Variants in SLC8A3 observed in about 807,000 individuals in gnomAD.
SLC8A3 encodes the protein sodium/calcium exchanger 3.
Under a neutral mutation model 65.4 loss-of-function variants are expected in SLC8A3, and 37 were observed. The observed-to-expected ratio is 0.57, with a 90% confidence interval of 0.44 to 0.74. SLC8A3 has a LOEUF of 0.74. Ranked by LOEUF, SLC8A3 falls within the 30% of genes least tolerant of loss-of-function variation. The pLI is 0.00. For missense variants in SLC8A3, 1,112 were observed against 1,172.1 expected (o/e 0.95, Z 0.75); for synonymous variants, 461 against 444.5 (o/e 1.04, Z -0.47).
At chr14:70,063,692 A>G in intron 2 of SLC8A3, 1 of 620,776 alleles carries the variant, frequency 1.6e-6, no homozygotes, top group Non-Finnish European at 2.9e-6. Flanking sequence ...AGAGAGAGCA[A>G]GAGAGGAGAC....
At chr14:70,085,389 G>A (rs1045519709) in intron 2 of SLC8A3, among the ~76,000 whole-genome samples, 12 of 152,160 alleles carry the variant, frequency 7.9e-5, no homozygotes, top group Middle Eastern at 3.4e-3. Context: ...GACTGTACTG[G>A]TATTGCCATG....
At chr14:70,143,290 T>C (rs1895695083) in intron 2 of SLC8A3, among the ~76,000 whole-genome samples, 1 of 152,226 alleles carries the variant, frequency 6.6e-6, no homozygotes, top group South Asian at 2.1e-4. Flanking sequence ...GAGGAGGTAC[T>C]ATCATTGCCC....
chr14:70,141,285 T>A (rs1216363776), intron 2 of SLC8A3, among the ~76,000 whole-genome samples: 2 of 152,202 alleles, frequency 1.3e-5, no homozygotes, highest in Non-Finnish European at 2.9e-5. Context: ...ATCACCCCAT[T>A]TAGACCTTGC....
intron 3 of SLC8A3, among the ~76,000 whole-genome samples, chr14:70,054,855 A>T: frequency 6.6e-6 from 1 of 152,122 alleles, no homozygotes; most frequent in East Asian, 1.9e-4. Context: ...TTGAATATAA[A>T]TGAACTCTGT....
intron 1 of SLC8A3, among the ~76,000 whole-genome samples, chr14:70,170,108 A>G (rs1326108368): frequency 1.3e-5 from 2 of 152,116 alleles, no homozygotes; most frequent in Non-Finnish European, 2.9e-5. Context: ...TTTTTAAAAA[A>G]ACAAACAAAC....
At chr14:70,055,751 CT>C in intron 3 of SLC8A3, 1 of 1,570,698 alleles carries the variant, frequency 6.4e-7, no homozygotes. Flanking sequence ...AATAATGGCA[CT>C]GGCAAGAAGT....
chr14:70,148,686 C>T lies in SLC8A3; in HGVS notation c.1784+17953G>A, dbSNP rs74062805. 9.5e-3 allele frequency among the ~76,000 whole-genome samples: 1,439 copies of T among 152,066 alleles called. 20 individuals are homozygous for T. Among genetic ancestry groups the T allele is most frequent in the African/African-American group, 0.032 (1,318 of 41,458 alleles). ...TGTTGAATGAAACACATAAAATTGC[C>T]GATATTATTATTATATTTTTGATGT... is the stretch of plus-strand genomic sequence containing the variant. On this transcript the variant is annotated intron_variant, in intron 2 of 6. Coordinates refer to ENST00000356921, the MANE Select transcript of SLC8A3 (RefSeq NM_182932.3).
At chr14:70,156,101 G>A (rs1896554165) in intron 2 of SLC8A3, among the ~76,000 whole-genome samples, 1 of 152,216 alleles carries the variant, frequency 6.6e-6, no homozygotes, top group East Asian at 1.9e-4. Flanking sequence ...AAGGCCTGCG[G>A]TGGGGAGCTG....
At chr14:70,056,634 A>G (rs745665734) in intron 3 of SLC8A3, among the ~76,000 whole-genome samples, 1 of 152,184 alleles carries the variant, frequency 6.6e-6, no homozygotes, top group Non-Finnish European at 1.5e-5. Flanking sequence ...TATTTTGGCA[A>G]CTGTCTTTTC....
intron 2 of SLC8A3, among the ~76,000 whole-genome samples, chr14:70,163,618 C>G (rs1215099869): frequency 6.6e-6 from 1 of 152,194 alleles, no homozygotes; most frequent in African/African-American, 2.4e-5. Context: ...AGCACAGCCT[C>G]TGGTTCTTGC....
At chr14:70,189,247 G>T (rs1398288149), upstream of SLC8A3, among the ~76,000 whole-genome samples, 1 of 152,046 alleles carries the variant, frequency 6.6e-6, no homozygotes, top group Non-Finnish European at 1.5e-5. Context: ...CACCCTAGTC[G>T]TTGGAGCCTG....
intron 3 of SLC8A3, chr14:70,055,890 C>T: frequency 5.1e-6 from 7 of 1,380,814 alleles, no homozygotes; most frequent in Non-Finnish European, 7.1e-6. Context: ...AAAGTATCAC[C>T]AGGTTTTGTG....
chr14:70,105,968 T>C (rs914680724), intron 2 of SLC8A3, among the ~76,000 whole-genome samples: 4 of 151,498 alleles, frequency 2.6e-5, no homozygotes, highest in African/African-American at 9.8e-5. Flanking sequence ...TAAACCATAT[T>C]AGAAGCTTTA....
At chr14:70,067,843 C>T (rs866498349) in intron 2 of SLC8A3, among the ~76,000 whole-genome samples, 3 of 152,102 alleles carry the variant, frequency 2.0e-5, no homozygotes, top group Non-Finnish European at 4.4e-5. Flanking sequence ...TTTTTGGGCC[C>T]CCCATTTCCA....
At position 70,053,150 on chromosome 14, in the gene SLC8A3, A is replaced by G. The variant is rs111357322; in HGVS notation, c.1889-1036T>C. ...TGTTTTGCTCAGTGTTCGGGCACCA[A>G]ACACAGAAGGCAATCCTAAAATGTC... is the stretch of plus-strand genomic sequence containing the variant. On this transcript the variant is annotated intron_variant, in intron 3 of 6. Transcript: ENST00000356921. Among the ~76,000 whole-genome samples the G allele has an allele frequency of 8.8e-3, 1,344 of 152,318 alleles. 18 individuals carry two copies. The highest frequency in any genetic ancestry group is 0.031 in the African/African-American group (1,307 of 41,566).
At position 70,046,532 on chromosome 14, in the gene SLC8A3, C is replaced by T; in HGVS notation, c.2390-209G>A. 1.8e-6 allele frequency: 1 copy of T among 542,248 alleles called. No individual in the cohort carries two copies. Among genetic ancestry groups the T allele is most frequent in the Non-Finnish European group, 3.3e-6 (1 of 306,326 alleles). The allele number at this position is 542,248 out of a possible 1,614,324, so 33.6% of individuals were successfully genotyped here. A position where few individuals can be genotyped will look rare whatever the true frequency, so the allele number is the denominator to read the frequency against. ...ACATCCCTAGTCTGGGCTTCCCATT[C>T]CTCATCTGCAGTGATCTGAAAGATT... On this transcript the variant is annotated intron_variant, in intron 6 of 6. Transcript: ENST00000356921. This position sits in a 1 kb window ranked among gnomAD's most constrained non-coding sequence, Gnocchi z 4.2.
chr14:70,099,252 T>C (rs1892399092), intron 2 of SLC8A3, among the ~76,000 whole-genome samples: 1 of 152,178 alleles, frequency 6.6e-6, no homozygotes. Flanking sequence ...GAGCTGTTCT[T>C]GTAAGGTTTG....
chr14:70,069,546 G>A (rs1889807838), intron 2 of SLC8A3, among the ~76,000 whole-genome samples: 1 of 152,178 alleles, frequency 6.6e-6, no homozygotes, highest in Non-Finnish European at 1.5e-5. Context: ...GCTTTCAGAA[G>A]CCTCACATCT....
intron 2 of SLC8A3, among the ~76,000 whole-genome samples, chr14:70,125,097 T>G (rs1044429423): frequency 6.6e-6 from 1 of 152,144 alleles, no homozygotes; most frequent in Non-Finnish European, 1.5e-5. Flanking sequence ...TTTTCTAAAC[T>G]CATTTTGAGT....
Sources: gnomAD v4.1 joint callset for allele counts (sites outside exome capture counted in the v4.1 genomes callset) on GRCh38, gnomAD v4.1.1 for gene constraint, Gnocchi (gnomAD v3.1) non-coding constraint, MANE v1.5 for transcripts, NCBI Gene and HGNC (gene_info 2026-07-23, HGNC 2026-07-21) for gene names.